The following TAFA2 variants were observed in gnomAD, a reference collection of about 807,000 sequenced individuals.
The protein encoded by TAFA2 is chemokine-like protein TAFA-2.
In TAFA2, 7 loss-of-function variants were observed where a neutral mutation model predicts 18.8. That is an observed-to-expected ratio of 0.37 (90% CI 0.21 to 0.70). The LOEUF (loss-of-function observed/expected upper bound fraction) is 0.70. Ranked by LOEUF, TAFA2 falls within the 30% of genes least tolerant of loss-of-function variation. TAFA2 has a pLI of 0.53. For missense variants in TAFA2, 122 were observed against 158.1 expected, an observed-to-expected ratio of 0.77 and a Z score of 1.23; for synonymous variants, 60 against 54.2, an observed-to-expected ratio of 1.11 and a Z score of -0.47.
intron 1 of TAFA2, among the ~76,000 whole-genome samples, chr12:62,122,457 G>A (rs1146085): frequency 0.93 from 141,587 of 152,262 alleles, 65,866 homozygotes; most frequent in Non-Finnish European, 0.94. Context: ...TCAGGCTCTA[G>A]GTGCTCCTTT....
chr12:62,095,051 C>A (rs1211630162), intron 1 of TAFA2, among the ~76,000 whole-genome samples: 1 of 152,012 alleles, frequency 6.6e-6, no homozygotes, highest in Non-Finnish European at 1.5e-5. Context: ...TAACCCCAGG[C>A]ACCAGGCCAC....
intron 1 of TAFA2, among the ~76,000 whole-genome samples, chr12:61,982,876 C>CA (rs3031097): frequency 0.014 from 1,391 of 101,588 alleles, 42 homozygotes; most frequent in African/African-American, 0.036. Context: ...AAGTGGAAGG[C>CA]AAAAAAAAAA....
intron 1 of TAFA2, among the ~76,000 whole-genome samples, chr12:62,207,999 A>G (rs2062699219): frequency 6.6e-6 from 1 of 152,152 alleles, no homozygotes; most frequent in South Asian, 2.1e-4. Context: ...GGTCTGCCAC[A>G]AGGAGGATGA....
At chr12:61,736,149 T>C (rs945009204) in intron 4 of TAFA2, among the ~76,000 whole-genome samples, 3 of 151,958 alleles carry the variant, frequency 2.0e-5, no homozygotes, top group African/African-American at 4.8e-5. Flanking sequence ...AGGTCGTCAA[T>C]GCACTTTTAT....
At chr12:61,714,706 T>G (rs1869567718) in intron 4 of TAFA2, among the ~76,000 whole-genome samples, 1 of 152,214 alleles carries the variant, frequency 6.6e-6, no homozygotes, top group African/African-American at 2.4e-5. Context: ...AAATTTCCTC[T>G]GCCAATCTTC....
intron 1 of TAFA2, among the ~76,000 whole-genome samples, chr12:62,049,579 T>G (rs1039659261): frequency 6.6e-6 from 1 of 152,086 alleles, no homozygotes; most frequent in Non-Finnish European, 1.5e-5. Flanking sequence ...CTGCACTGAG[T>G]TCAGTATGAA....
At chr12:61,907,819 C>T (rs7965022) in intron 1 of TAFA2, among the ~76,000 whole-genome samples, 6 of 152,192 alleles carry the variant, frequency 3.9e-5, no homozygotes, top group Non-Finnish European at 7.3e-5. Flanking sequence ...CCTTTTGCAT[C>T]GGTGTGCCCT....
chr12:61,822,755 T>C (rs1170744895), intron 2 of TAFA2, among the ~76,000 whole-genome samples: 1 of 152,230 alleles, frequency 6.6e-6, no homozygotes, highest in Non-Finnish European at 1.5e-5. Context: ...TTGACTTTTG[T>C]ATTTTTGGTG....
chr12:61,739,976 AT>A (rs1156997006), intron 4 of TAFA2, among the ~76,000 whole-genome samples: 2 of 152,128 alleles, frequency 1.3e-5, no homozygotes, highest in Non-Finnish European at 2.9e-5. Flanking sequence ...TCTCCTCACA[AT>A]TACTCAAACA....
chr12:61,917,435 T>A (rs945153919), intron 1 of TAFA2, among the ~76,000 whole-genome samples: 2 of 152,190 alleles, frequency 1.3e-5, no homozygotes, highest in African/African-American at 4.8e-5. Flanking sequence ...TCTGCTTGAT[T>A]ATGATCACTG....
At chr12:62,051,956 G>A (rs938222097) in intron 1 of TAFA2, among the ~76,000 whole-genome samples, 1 of 152,110 alleles carries the variant, frequency 6.6e-6, no homozygotes, top group Non-Finnish European at 1.5e-5. Flanking sequence ...TTTGTAGTAT[G>A]AAAGCACTAA....
At chr12:62,023,306 G>A (rs922682579) in intron 1 of TAFA2, among the ~76,000 whole-genome samples, 2 of 151,978 alleles carry the variant, frequency 1.3e-5, no homozygotes, top group East Asian at 1.9e-4. Context: ...TGTGATATGT[G>A]GCATTTGCCT....
chr12:62,011,052 G>A (rs1223399419), intron 1 of TAFA2, among the ~76,000 whole-genome samples: 5 of 144,660 alleles, frequency 3.5e-5, no homozygotes, highest in African/African-American at 1.3e-4. Context: ...GGTGGGGGGC[G>A]TCTCTGCCCA....
At chr12:61,873,765 C>T (rs1221938463) in intron 1 of TAFA2, among the ~76,000 whole-genome samples, 1 of 152,030 alleles carries the variant, frequency 6.6e-6, no homozygotes. Flanking sequence ...CATGTCTAAC[C>T]TGACTAGAAT....
chr12:61,815,618 G>T (rs572896698), intron 2 of TAFA2, among the ~76,000 whole-genome samples: 1 of 149,930 alleles, frequency 6.7e-6, no homozygotes, highest in Admixed American at 6.6e-5. Context: ...AGCCGAGATC[G>T]TGCCACTGCA....
chr12:62,158,464 C>T (rs946235392), intron 1 of TAFA2, among the ~76,000 whole-genome samples: 2 of 152,148 alleles, frequency 1.3e-5, no homozygotes, highest in Non-Finnish European at 2.9e-5. Flanking sequence ...GTGAGTTCTT[C>T]GCAATTTATT....
At chr12:62,235,786 T>C (rs1184386877) in intron 1 of TAFA2, among the ~76,000 whole-genome samples, 2 of 152,104 alleles carry the variant, frequency 1.3e-5, no homozygotes, top group Non-Finnish European at 2.9e-5. Flanking sequence ...TGGGGTCTCA[T>C]TGTGTCACCC....
intron 1 of TAFA2, among the ~76,000 whole-genome samples, chr12:62,188,476 G>T (rs113543582): frequency 6.6e-6 from 1 of 152,132 alleles, no homozygotes; most frequent in Non-Finnish European, 1.5e-5. Context: ...TAGAGAGTTC[G>T]TCAGTAAATG....
At chr12:61,765,057 C>A (rs995215118) in intron 2 of TAFA2, among the ~76,000 whole-genome samples, 5 of 152,032 alleles carry the variant, frequency 3.3e-5, no homozygotes, top group African/African-American at 1.2e-4. Context: ...TGCATCAAAC[C>A]TTTTTCTTTC....
Sources: gnomAD v4.1 joint callset for allele counts (sites outside exome capture counted in the v4.1 genomes callset) on GRCh38, gnomAD v4.1.1 for gene constraint, MANE v1.5 for transcripts, NCBI Gene and HGNC (gene_info 2026-07-23, HGNC 2026-07-21) for gene names.